Variants in CYP4F2 observed in about 807,000 individuals in gnomAD.
CYP4F2 encodes the protein cytochrome P450 4F2.
A neutral mutation model predicts 58.9 loss-of-function variants in CYP4F2; 58 were observed. The observed-to-expected ratio is 0.98, with a 90% confidence interval of 0.80 to 1.23. The LOEUF is 1.23. Among genes scored for constraint, CYP4F2 ranks in the 50% most tolerant of loss-of-function variants. The probability of loss-of-function intolerance (pLI) is 0.00; values close to 1 mark genes in which losing one functional copy is unlikely to be tolerated. For synonymous variants in CYP4F2, 287 were observed against 261.1 expected, an observed-to-expected ratio of 1.10 and a Z score of -0.95; for missense variants, 616 against 685.6, an observed-to-expected ratio of 0.90 and a Z score of 1.13.
chr19:15,894,403 G>A (rs2089436397), intron 3 of CYP4F2, among the ~76,000 whole-genome samples: 1 of 152,180 alleles, frequency 6.6e-6, no homozygotes, highest in African/African-American at 2.4e-5. Flanking sequence ...AACTCTAGGG[G>A]AAAGGTGGCC....
In CYP4F2 at chr19:15,889,687, G is replaced by C. The variant is rs771230823; in HGVS notation, c.654C>G (p.Pro218=). 1.9e-6 allele frequency: 3 copies of C among 1,613,540 alleles called. No homozygotes were observed. The highest frequency in any genetic ancestry group is 2.5e-6 in the Non-Finnish European group (3 of 1,179,538). ...CCAAGATGGCGGCAATATATTCACTGGGTTTCCTGCAGGATAAGGGCAGAA... is the reference window on the plus strand; with the variant it reads ...CCAAGATGGCGGCAATATATTCACTCGGTTTCCTGCAGGATAAGGGCAGAA... The part of the protein sequence containing the change: ...FSFDSHCQEK[P]SEYIAAILEL... The change falls in exon 7 of 13, where the codon CCC becomes CCG. Residue 218 remains proline, a synonymous_variant. Coordinates refer to ENST00000221700, the MANE Select transcript of CYP4F2 (RefSeq NM_001082.5).
chr19:15,896,386 C>G (rs1472721077), intron 2 of CYP4F2, among the ~76,000 whole-genome samples: 1 of 152,178 alleles, frequency 6.6e-6, no homozygotes, highest in African/African-American at 2.4e-5. Context: ...AGAAGACGCA[C>G]TGTCCACTCA....
chr19:15,886,345 C>T (rs2145005830), intron 7 of CYP4F2, 37 bp from the exon 8 acceptor site: 1 of 1,611,686 alleles, frequency 6.2e-7, no homozygotes, highest in East Asian at 2.2e-5. Context: ...AACCCCCACC[C>T]CCATAAAAAG....
chr19:15,897,702 A>G (rs3093098), intron 1 of CYP4F2, 90 bp from the exon 2 acceptor site: 245,476 of 1,491,204 alleles, frequency 0.16, 21,981 homozygotes, highest in African/African-American at 0.31. Flanking sequence ...AGGGACGGGC[A>G]GTGCCGGAGG....
intron 8 of CYP4F2, 85 bp from the exon 9 acceptor site, chr19:15,886,138 G>A: frequency 6.2e-7 from 1 of 1,605,888 alleles, no homozygotes; most frequent in Non-Finnish European, 8.5e-7. Context: ...GGGCCTCAGG[G>A]AGGATGGGGG....
In CYP4F2 at chr19:15,879,480, C is replaced by A. The variant is rs778558315; in HGVS notation, c.1315-52G>T. 6 of 1,610,754 alleles carry A rather than the reference C, an allele frequency of 3.7e-6. No homozygotes were observed. The Admixed American group carries it at 5.0e-5, about 13-fold the overall frequency. On this transcript the variant is annotated intron_variant, in intron 11 of 12. Transcript: ENST00000221700. ...TGGGTGGGGTCTCCCAGTCCGCCAG[C>A]CTTGGAGAGACAGACAGTTGTGTGT...
At chr19:15,889,906 G>A (rs111370402) in intron 6 of CYP4F2, among the ~76,000 whole-genome samples, 15 of 152,170 alleles carry the variant, frequency 9.9e-5, no homozygotes, top group East Asian at 3.9e-4. Flanking sequence ...CCTCCATGCC[G>A]CTAGGCACCC....
At chr19:15,890,495 C>A in intron 5 of CYP4F2, 62 bp from the exon 6 acceptor site, 7 of 1,596,914 alleles carry the variant, frequency 4.4e-6, no homozygotes, top group Middle Eastern at 3.4e-4. Flanking sequence ...CCTCTCCAAC[C>A]CCAACTGCCA....
intron 5 of CYP4F2, among the ~76,000 whole-genome samples, chr19:15,890,872 A>G (rs1357790605): frequency 3.9e-5 from 6 of 152,192 alleles, no homozygotes. Flanking sequence ...CCATGGGGCA[A>G]AAATACATAA....
intron 9 of CYP4F2, among the ~76,000 whole-genome samples, chr19:15,880,252 A>T (rs761376258): frequency 1.1e-4 from 16 of 152,178 alleles, no homozygotes; most frequent in Non-Finnish European, 1.8e-4. Context: ...TCAAGATGGT[A>T]GTTTTTGCAG....
In CYP4F2 at chr19:15,892,024, T is replaced by C. The variant is rs531194541; in HGVS notation, c.525+285A>G. 3.9e-5 allele frequency among the ~76,000 whole-genome samples: 6 copies of C among 152,178 alleles called. No individual in the cohort carries two copies. In the South Asian group the frequency reaches 6.2e-4, roughly 16 times the overall value. On this transcript the variant is annotated intron_variant, in intron 5 of 12. Coordinates refer to ENST00000221700, the MANE Select transcript of CYP4F2 (RefSeq NM_001082.5). ...CTTATCAGCAACAGCTACTATGAAATTGTTGTCATGACCCTCTTGTGTTTA... is the reference window on the plus strand; with the variant it reads ...CTTATCAGCAACAGCTACTATGAAACTGTTGTCATGACCCTCTTGTGTTTA...
At chr19:15,884,391 A>T (rs2089363199) in intron 9 of CYP4F2, among the ~76,000 whole-genome samples, 1 of 152,206 alleles carries the variant, frequency 6.6e-6, no homozygotes, top group African/African-American at 2.4e-5. Flanking sequence ...GAGGTTTGAT[A>T]GGAGAAATAA....
At chr19:15,888,331 CACATAA>C (rs1313872591) in intron 7 of CYP4F2, among the ~76,000 whole-genome samples, 1 of 151,956 alleles carries the variant, frequency 6.6e-6, no homozygotes, top group East Asian at 1.9e-4. Context: ...CACACAAATA[CACATAA>C]ACATAGACAT....
chr19:15,884,678 A>C lies in CYP4F2; in HGVS notation c.1115+1246T>G, dbSNP rs537563180. 4.9e-4 allele frequency among the ~76,000 whole-genome samples: 75 copies of C among 152,298 alleles called. 1 individual carries two copies. Among genetic ancestry groups the C allele is most frequent in the African/African-American group, 1.8e-3 (74 of 41,572 alleles). On this transcript the variant is annotated intron_variant, in intron 9 of 12. Coordinates refer to ENST00000221700, the MANE Select transcript of CYP4F2 (RefSeq NM_001082.5). ...AATTATTGGTTTTAAAAGCAGAAAAATGTTTCTCCTCCTCACTGGACTGCT... is the reference window on the plus strand; with the variant it reads ...AATTATTGGTTTTAAAAGCAGAAAACTGTTTCTCCTCCTCACTGGACTGCT...
At chr19:15,879,495 C>G (rs1398767427) in intron 11 of CYP4F2, 67 bp from the exon 12 acceptor site, 1 of 1,609,196 alleles carries the variant, frequency 6.2e-7, no homozygotes, top group African/African-American at 1.3e-5. Context: ...GAGAGACAGA[C>G]AGTTGTGTGT....
chr19:15,897,094 T>C (rs3093108), intron 2 of CYP4F2, among the ~76,000 whole-genome samples: 4,409 of 151,862 alleles, frequency 0.029, 237 homozygotes, highest in African/African-American at 0.098. Flanking sequence ...AGTCCAGCAA[T>C]GGAGAATGTG....
chr19:15,879,117 A>AC (rs1427896841), intron 12 of CYP4F2, among the ~76,000 whole-genome samples, 181 bp from the exon 13 acceptor site: 1 of 151,834 alleles, frequency 6.6e-6, no homozygotes, highest in Non-Finnish European at 1.5e-5. Context: ...CCGAGCTCCA[A>AC]CCCCCAGCCT....
At chr19:15,884,212 A>G (rs1765741680) in intron 9 of CYP4F2, among the ~76,000 whole-genome samples, 1 of 152,212 alleles carries the variant, frequency 6.6e-6, no homozygotes, top group Non-Finnish European at 1.5e-5. Context: ...GGCAACATGG[A>G]TGGAACTGGA....
At chr19:15,891,209 A>G (rs914099556) in intron 5 of CYP4F2, among the ~76,000 whole-genome samples, 7 of 152,166 alleles carry the variant, frequency 4.6e-5, no homozygotes, top group South Asian at 4.1e-4. Context: ...TGCTTTCTAT[A>G]AAAGCAGATT....
Sources: gnomAD v4.1 joint callset for allele counts (sites outside exome capture counted in the v4.1 genomes callset) on GRCh38, gnomAD v4.1.1 for gene constraint, MANE v1.5 for transcripts, NCBI Gene and HGNC (gene_info 2026-07-23, HGNC 2026-07-21) for gene names.